Variants in NBAS observed in about 807,000 individuals in gnomAD.
NBAS encodes the protein NBAS subunit of NRZ tethering complex.
Under a neutral mutation model 302.5 loss-of-function variants are expected in NBAS, and 219 were observed. The observed-to-expected ratio is 0.72, with a 90% confidence interval of 0.65 to 0.81. The LOEUF (loss-of-function observed/expected upper bound fraction) is 0.81, where lower values mean the gene tolerates loss of function less well. Ranked by LOEUF, NBAS falls within the 30% of genes least tolerant of loss-of-function variation. NBAS has a pLI of 0.00. For synonymous variants in NBAS, 1,118 were observed against 1,021.6 expected (o/e 1.09, Z -1.80); for missense variants, 2,932 against 2,841.6 (o/e 1.03, Z -0.72).
chr2:14,903,825 C>A, the NBAS span, among the ~76,000 whole-genome samples: 1 of 151,846 alleles, frequency 6.6e-6, no homozygotes, highest in Non-Finnish European at 1.5e-5. Flanking sequence ...GAGAAGCATG[C>A]CTGTCCCCCC....
chr2:15,072,678 A>T, the NBAS span, among the ~76,000 whole-genome samples: 1 of 152,208 alleles, frequency 6.6e-6, no homozygotes, highest in African/African-American at 2.4e-5. Flanking sequence ...GGAAATAATA[A>T]ATATACTGGG....
the NBAS span, among the ~76,000 whole-genome samples, chr2:14,956,816 ACAATT>A: frequency 7.9e-5 from 12 of 152,354 alleles, no homozygotes; most frequent in African/African-American, 2.4e-4. Flanking sequence ...TACAGGAACT[ACAATT>A]CAAGAAGAGA....
chr2:15,073,609 A>AC, the NBAS span, among the ~76,000 whole-genome samples: 10 of 151,834 alleles, frequency 6.6e-5, no homozygotes, highest in Non-Finnish European at 1.3e-4. Flanking sequence ...ACTTCCATGC[A>AC]TTTTTTTTCT....
rs528792510 is a variant in NBAS, at chr2:15,379,892, T to TG, written c.3361-62dup. On this transcript the variant is annotated intron_variant, in intron 29 of 51. Coordinates refer to ENST00000281513, the MANE Select transcript of NBAS (RefSeq NM_015909.4). Reference sequence around the variant, plus strand: ...AGGGAAGATTCAGTTCTCAGTGAAATGAAGGCTCTGAAATCCAAATGAAAG... The same window carrying TG: ...AGGGAAGATTCAGTTCTCAGTGAAATGGAAGGCTCTGAAATCCAAATGAAAG... The TG allele has an allele frequency of 3.2e-4, 477 of 1,477,072 alleles. No homozygotes were observed. In the African/African-American group the frequency reaches 5.7e-3, roughly 18 times the overall value. 91.5% of individuals were successfully genotyped at this position (1,477,072 alleles called of 1,614,324 possible). A position where few individuals can be genotyped will look rare whatever the true frequency, so the allele number is the denominator to read the frequency against.
At chr2:15,479,177 A>T (rs1680317464) in intron 12 of NBAS, among the ~76,000 whole-genome samples, 1 of 152,192 alleles carries the variant, frequency 6.6e-6, no homozygotes, top group South Asian at 2.1e-4. Flanking sequence ...CACTCAGAGC[A>T]GACCCTGAGA....
At chr2:15,469,648 T>G (rs981213515) in intron 16 of NBAS, among the ~76,000 whole-genome samples, 6 of 152,118 alleles carry the variant, frequency 3.9e-5, no homozygotes, top group African/African-American at 1.4e-4. Flanking sequence ...CATGGAATAC[T>G]ATGCAGCCAT....
the NBAS span, among the ~76,000 whole-genome samples, chr2:14,927,811 C>T: frequency 6.6e-6 from 1 of 152,276 alleles, no homozygotes; most frequent in African/African-American, 2.4e-5. Flanking sequence ...GTGTTAAGCA[C>T]CTTTTGGGTG....
rs75566418 is a variant in NBAS at position 15,402,172 on chromosome 2, A to G, written c.3067T>C (p.Tyr1023His). 3.6e-3 allele frequency: 5,832 copies of G among 1,613,492 alleles called. 12 individuals carry two copies. The highest frequency in any genetic ancestry group is 4.6e-3 in the Non-Finnish European group (5,467 of 1,179,552). The change falls in exon 26 of 52, where the codon TAT becomes CAT. Residue 1023 changes from tyrosine (Y) to histidine (H), a missense_variant. Physicochemically the swap from Tyr to His is moderately conservative, Grantham distance 83. Transcript: ENST00000281513. ...TGGCATACTGTGTATTCTTACCCAT[A>G]TCCTCTTTCTGGCAGACATTCTAGT... is the stretch of plus-strand genomic sequence containing the variant. ...DLLECLPERG[Y>H]GDKTEATTKL... is the part of the protein sequence containing the mutation.
chr2:15,224,304 G>T (rs552992617), intron 47 of NBAS, among the ~76,000 whole-genome samples: 8 of 152,134 alleles, frequency 5.3e-5, no homozygotes, highest in East Asian at 1.9e-4. Flanking sequence ...ATAAATAAGC[G>T]AATCTTCAGT....
intron 35 of NBAS, among the ~76,000 whole-genome samples, chr2:15,345,986 A>G (rs1055139115): frequency 6.6e-6 from 1 of 152,220 alleles, no homozygotes; most frequent in Admixed American, 6.5e-5. Context: ...CCTTCCTTAC[A>G]CTTTATACAA....
the NBAS span, among the ~76,000 whole-genome samples, chr2:14,785,553 C>T: frequency 2.6e-5 from 4 of 152,082 alleles, no homozygotes; most frequent in East Asian, 1.9e-4. Context: ...TTGTCAAAGG[C>T]CTTTTCTGCA....
At chr2:14,795,646 A>G in the NBAS span, among the ~76,000 whole-genome samples, 1 of 152,210 alleles carries the variant, frequency 6.6e-6, no homozygotes, top group Non-Finnish European at 1.5e-5. Flanking sequence ...GCCTAACCCA[A>G]AGATTTATCA....
At chr2:15,288,400 C>G (rs143045634) in intron 41 of NBAS, among the ~76,000 whole-genome samples, 379 of 152,256 alleles carry the variant, frequency 2.5e-3, no homozygotes, top group South Asian at 0.017. Context: ...GATAAACACA[C>G]ACCCAGCAGA....
chr2:14,834,461 C>T, the NBAS span, among the ~76,000 whole-genome samples: 1 of 152,104 alleles, frequency 6.6e-6, no homozygotes, highest in African/African-American at 2.4e-5. Context: ...ACATTTTCTG[C>T]CTCTGAATTC....
chr2:15,323,213 G>A (rs13002082), intron 38 of NBAS, among the ~76,000 whole-genome samples: 113 of 152,270 alleles, frequency 7.4e-4, no homozygotes, highest in East Asian at 6.7e-3. Context: ...AAGAGCATAC[G>A]CTCAGTTCAC....
At chr2:15,513,454 T>C (rs1182711309) in intron 9 of NBAS, among the ~76,000 whole-genome samples, 1 of 152,170 alleles carries the variant, frequency 6.6e-6, no homozygotes, top group Non-Finnish European at 1.5e-5. Flanking sequence ...AAAAGGAGTA[T>C]ATCTAGTGCA....
intron 44 of NBAS, among the ~76,000 whole-genome samples, chr2:15,243,997 A>G (rs988332102): frequency 6.6e-6 from 1 of 152,168 alleles, no homozygotes; most frequent in Non-Finnish European, 1.5e-5. Flanking sequence ...GGACAAAATG[A>G]CTCAGGGCAG....
At chr2:15,560,260 AAAAAT>A (rs1482120198) in intron 1 of NBAS, among the ~76,000 whole-genome samples, 78 of 152,174 alleles carry the variant, frequency 5.1e-4, no homozygotes, top group Admixed American at 2.6e-4. Context: ...AATAATAATA[AAAAAT>A]AAAATAAAAT....
At chr2:14,893,608 G>A in the NBAS span, among the ~76,000 whole-genome samples, 1 of 152,022 alleles carries the variant, frequency 6.6e-6, no homozygotes, top group African/African-American at 2.4e-5. Flanking sequence ...TGTGCTCCTG[G>A]AACCCTTCCT....
Sources: gnomAD v4.1 joint callset for allele counts (sites outside exome capture counted in the v4.1 genomes callset) on GRCh38, gnomAD v4.1.1 for gene constraint, MANE v1.5 for transcripts, NCBI Gene and HGNC (gene_info 2026-07-23, HGNC 2026-07-21) for gene names.